PLPPR1: variants seen among roughly 807,000 people sequenced by gnomAD.
PLPPR1 encodes phospholipid phosphatase related 1.
A neutral mutation model predicts 33.1 loss-of-function variants in PLPPR1; 10 were observed. The ratio of observed to expected loss-of-function variants is 0.30; its 90% CI spans 0.19 to 0.51. The LOEUF is 0.51. PLPPR1 is among the 20% of genes least tolerant of loss of function. The probability of loss-of-function intolerance (pLI) is 0.97; values close to 1 mark genes in which losing one functional copy is unlikely to be tolerated. For synonymous variants in PLPPR1, 151 were observed against 151.0 expected (o/e 1.00, Z 0.00); for missense variants, 304 against 408.1 (o/e 0.74, Z 2.20).
At position 101,128,593 on chromosome 9, in the gene PLPPR1, A is replaced by T. The variant is rs148383537; in HGVS notation, c.-45-56857A>T. ...CCGAGTGCAGGTTTAACATGACAGG[A>T]GGGTGATGTTTTTTCTGTTGATGTG... On this transcript the variant is annotated intron_variant, in intron 1 of 7. Coordinates refer to ENST00000374874, the MANE Select transcript of PLPPR1 (RefSeq NM_207299.2). 7.4e-4 allele frequency among the ~76,000 whole-genome samples: 112 copies of T among 152,222 alleles called. No homozygotes were observed. The East Asian group carries it at 0.015, about 20-fold the overall frequency.
chr9:101,115,925 G>A (rs10760791), intron 1 of PLPPR1, among the ~76,000 whole-genome samples: 76,066 of 152,026 alleles, frequency 0.5, 19,323 homozygotes, highest in African/African-American at 0.58. Flanking sequence ...TTTATGCTAA[G>A]TTCCAAATAA....
intron 1 of PLPPR1, among the ~76,000 whole-genome samples, chr9:101,174,755 G>A (rs1411399315): frequency 3.3e-5 from 5 of 152,250 alleles, no homozygotes; most frequent in African/African-American, 1.2e-4. Flanking sequence ...ATGGGAGCAC[G>A]TGAGGTAGCA....
intron 1 of PLPPR1, among the ~76,000 whole-genome samples, chr9:101,158,039 TAAAA>T (rs1156488261): frequency 2.6e-5 from 4 of 151,512 alleles, no homozygotes; most frequent in Non-Finnish European, 5.9e-5. Context: ...ATAAAATAAA[TAAAA>T]AAACAAGCTT....
chr9:101,216,003 T>A (rs1826786780), intron 2 of PLPPR1, among the ~76,000 whole-genome samples: 1 of 152,176 alleles, frequency 6.6e-6, no homozygotes, highest in Admixed American at 6.5e-5. Flanking sequence ...TTGATATATA[T>A]CAGCAGTGGG....
chr9:101,161,191 A>G (rs1831768286), intron 1 of PLPPR1, among the ~76,000 whole-genome samples: 1 of 152,156 alleles, frequency 6.6e-6, no homozygotes, highest in South Asian at 2.1e-4. Flanking sequence ...TATTTTGTTC[A>G]CTGCAGGTGT....
intron 1 of PLPPR1, among the ~76,000 whole-genome samples, chr9:101,184,427 A>G (rs941678181): frequency 6.6e-6 from 1 of 151,960 alleles, no homozygotes; most frequent in Non-Finnish European, 1.5e-5. Context: ...CTGACCTTTT[A>G]AAAAGTACAG....
intron 4 of PLPPR1, among the ~76,000 whole-genome samples, chr9:101,303,884 A>T (rs1412648534): frequency 6.6e-6 from 1 of 152,212 alleles, no homozygotes; most frequent in African/African-American, 2.4e-5. Context: ...TCAGAATCAG[A>T]AATAGGGACA....
At chr9:101,233,619 C>T (rs146188270) in intron 2 of PLPPR1, among the ~76,000 whole-genome samples, 35 of 152,046 alleles carry the variant, frequency 2.3e-4, no homozygotes, top group African/African-American at 8.2e-4. Context: ...TAAAGACAAA[C>T]TTGGCCCTCT....
intron 6 of PLPPR1, 151 bp downstream of exon 6, chr9:101,313,125 C>CA (rs1403734100): frequency 4.1e-6 from 3 of 733,430 alleles, no homozygotes; most frequent in Admixed American, 2.9e-5. Context: ...GCTTTTGCTA[C>CA]AAAAATGATT....
chr9:101,234,746 C>CATTG (rs1323583038), intron 2 of PLPPR1, among the ~76,000 whole-genome samples: 2 of 152,020 alleles, frequency 1.3e-5, no homozygotes, highest in Admixed American at 6.6e-5. Flanking sequence ...GAAGTGACTT[C>CATTG]ATTGATTTGT....
chr9:101,118,762 A>C (rs1831143833), intron 1 of PLPPR1, among the ~76,000 whole-genome samples: 1 of 152,156 alleles, frequency 6.6e-6, no homozygotes, highest in Non-Finnish European at 1.5e-5. Flanking sequence ...TTTGCTTCTC[A>C]TTCCCACACA....
At chr9:101,294,840 A>G (rs1165915106) in intron 4 of PLPPR1, among the ~76,000 whole-genome samples, 2 of 152,136 alleles carry the variant, frequency 1.3e-5, no homozygotes, top group Non-Finnish European at 2.9e-5. Flanking sequence ...CCCACAGCCA[A>G]TATCATACTG....
intron 3 of PLPPR1, among the ~76,000 whole-genome samples, chr9:101,273,612 C>T (rs1828137616): frequency 6.6e-6 from 1 of 152,138 alleles, no homozygotes; most frequent in Admixed American, 6.5e-5. Context: ...TTAACATATC[C>T]TAAGAAGATA....
chr9:101,321,937 G>A (rs929916438), intron 7 of PLPPR1, among the ~76,000 whole-genome samples: 1 of 148,184 alleles, frequency 6.7e-6, no homozygotes, highest in Non-Finnish European at 1.5e-5. Flanking sequence ...TACATATATA[G>A]TTAAAAGATA....
At chr9:101,322,815 A>G (rs1028406951) in intron 7 of PLPPR1, among the ~76,000 whole-genome samples, 9 of 152,212 alleles carry the variant, frequency 5.9e-5, no homozygotes, top group Non-Finnish European at 7.3e-5. Flanking sequence ...CACATGATCA[A>G]TAAGGTTGAT....
chr9:101,095,267 A>C (rs1830803021), intron 1 of PLPPR1, among the ~76,000 whole-genome samples: 1 of 121,546 alleles, frequency 8.2e-6, no homozygotes, highest in African/African-American at 3.0e-5. Flanking sequence ...ACTTCTATTC[A>C]TTCCCCACTG....
chr9:101,126,588 C>T lies in PLPPR1; in HGVS notation c.-45-58862C>T, dbSNP rs147197590. Among the ~76,000 whole-genome samples the T allele has an allele frequency of 9.6e-3, 1,460 of 152,282 alleles. 20 individuals are homozygous for T. The highest frequency in any genetic ancestry group is 0.033 in the African/African-American group (1,374 of 41,544). ...AACCTCAGATTCCACTGGGTCTTAG[C>T]ACTACCAATTGCTCCAGGTTTTAAT... On this transcript the variant is annotated intron_variant, in intron 1 of 7. Transcript: ENST00000374874.
At chr9:101,170,424 C>G (rs1443242735) in intron 1 of PLPPR1, among the ~76,000 whole-genome samples, 3 of 152,036 alleles carry the variant, frequency 2.0e-5, no homozygotes, top group Non-Finnish European at 4.4e-5. Flanking sequence ...GGGAACTCCT[C>G]TTTATAAAAC....
Position 101,235,066 on chromosome 9 carries a change from G to A in PLPPR1, c.64-34814G>A, listed in dbSNP as rs145448324. On this transcript the variant is annotated intron_variant, in intron 2 of 7. Transcript: ENST00000374874. ...CCTGACATCTAGCATTTATATCATGGCAGATGTGGAAAGAATTGCATTTAT... is the reference window on the plus strand; with the variant it reads ...CCTGACATCTAGCATTTATATCATGACAGATGTGGAAAGAATTGCATTTAT... Among the ~76,000 whole-genome samples the A allele has an allele frequency of 2.0e-5, 3 of 151,800 alleles. No homozygotes were observed. In the East Asian group the frequency reaches 5.8e-4, roughly 29 times the overall value.
Sources: gnomAD v4.1 joint callset for allele counts (sites outside exome capture counted in the v4.1 genomes callset) on GRCh38, gnomAD v4.1.1 for gene constraint, MANE v1.5 for transcripts, NCBI Gene and HGNC (gene_info 2026-07-23, HGNC 2026-07-21) for gene names.